Variants in BTBD16 observed in about 807,000 individuals in gnomAD.
BTBD16 encodes the protein BTB/POZ domain-containing protein 16.
Under a neutral mutation model 67.4 loss-of-function variants are expected in BTBD16, and 66 were observed. That is an observed-to-expected ratio of 0.98 (90% CI 0.80 to 1.20). The LOEUF is 1.20. Ranked by LOEUF, BTBD16 falls within the 50% of genes most tolerant of loss-of-function variation. The probability of loss-of-function intolerance (pLI) is 0.00; values close to 1 mark genes in which losing one functional copy is unlikely to be tolerated. For missense variants in BTBD16, 634 were observed against 616.0 expected (o/e 1.03, Z -0.31); for synonymous variants, 242 against 236.4 (o/e 1.02, Z -0.22).
intron 3 of BTBD16, among the ~76,000 whole-genome samples, chr10:122,277,223 G>A (rs1399435250): frequency 6.7e-6 from 1 of 149,998 alleles, no homozygotes; most frequent in Non-Finnish European, 1.5e-5. Context: ...AGGATTCTGA[G>A]TTTATTATCC....
chr10:122,319,961 C>T (rs1457884669), intron 10 of BTBD16, among the ~76,000 whole-genome samples: 1 of 152,088 alleles, frequency 6.6e-6, no homozygotes, highest in East Asian at 1.9e-4. Context: ...CATATTAACA[C>T]TATTGTAAGA....
intron 14 of BTBD16, 39 bp downstream of exon 14, chr10:122,335,018 G>A (rs758095004): frequency 1.1e-6 from 1 of 949,586 alleles, no homozygotes; most frequent in Non-Finnish European, 1.6e-6. Context: ...CTCTGAGACA[G>A]TCTTTTAGAG....
rs1162493326 is a variant in BTBD16 at position 122,336,684 on chromosome 10, C to T, written c.1452+2C>T. ...ACCACGTCATCCTGCAAAAGCCATG[C>T]AAGTGTTCACGTTGTCTTTTCCTTT... On this transcript the variant is annotated splice_donor_variant, in intron 15 of 15. Transcript: ENST00000260723. LOFTEE classifies it low-confidence loss of function (GC_TO_GT_DONOR). The T allele has an allele frequency of 6.3e-7, 1 of 1,574,808 alleles. No individual in the cohort carries two copies.
At chr10:122,312,625 T>A (rs1014134602) in intron 10 of BTBD16, among the ~76,000 whole-genome samples, 4 of 152,084 alleles carry the variant, frequency 2.6e-5, no homozygotes, top group Non-Finnish European at 4.4e-5. Context: ...GTCTTTCACT[T>A]TTCTAATGGA....
rs1401787510 is a variant in BTBD16, at chr10:122,334,943, C to G, written c.1227C>G (p.Leu409=). Residue 409 remains leucine, a synonymous_variant, in exon 14 of 16, where the codon CTC becomes CTG. Transcript: ENST00000260723. ...GATTCTTCTTTAAGATAAAGGGACTCAAACATGATACTACCTCTTATAGTT... is the reference window on the plus strand; with the variant it reads ...GATTCTTCTTTAAGATAAAGGGACTGAAACATGATACTACCTCTTATAGTT... ...LYGFFFKIKG[L]KHDTTSYSFY... 6.4e-7 allele frequency: 1 copy of G among 1,567,176 alleles called. No individual in the cohort carries two copies. The highest frequency in any genetic ancestry group is 1.1e-5 in the South Asian group (1 of 89,532).
chr10:122,303,565 C>T (rs1429781289), intron 9 of BTBD16: 4 of 239,376 alleles, frequency 1.7e-5, no homozygotes, highest in Admixed American at 6.5e-5. Context: ...CAGTGGGCAT[C>T]CTTGTTCATA....
intron 10 of BTBD16, among the ~76,000 whole-genome samples, chr10:122,307,762 A>C (rs1372427319): frequency 6.6e-6 from 1 of 152,194 alleles, no homozygotes; most frequent in East Asian, 1.9e-4. Context: ...AAGCATGACG[A>C]GGCGAGTTTA....
At chr10:122,300,041 ACAGAAATT>A (rs1027639340) in intron 9 of BTBD16, among the ~76,000 whole-genome samples, 1 of 152,146 alleles carries the variant, frequency 6.6e-6, no homozygotes, top group Admixed American at 6.5e-5. Context: ...CTTCTCCCTT[ACAGAAATT>A]CATGGAGATG....
chr10:122,315,709 T>G (rs544884746), intron 10 of BTBD16, among the ~76,000 whole-genome samples: 402 of 152,318 alleles, frequency 2.6e-3, no homozygotes, highest in Non-Finnish European at 4.5e-3. Context: ...TTTATGGGTC[T>G]TTTTGTGTCA....
At chr10:122,284,735 A>G (rs573640436) in intron 4 of BTBD16, among the ~76,000 whole-genome samples, 2 of 147,778 alleles carry the variant, frequency 1.4e-5, no homozygotes, top group East Asian at 4.0e-4. Flanking sequence ...GCCTGAGATC[A>G]GAGCCAGACT....
In BTBD16 at chr10:122,276,786, A is replaced by C; in HGVS notation, c.19-5A>C. The C allele has an allele frequency of 6.2e-7, 1 of 1,612,252 alleles. No individual in the cohort carries two copies. Among genetic ancestry groups the C allele is most frequent in the Non-Finnish European group, 8.5e-7 (1 of 1,178,964 alleles). ...ATGTCTTCTCTTTCTTTGATTACCA[A>C]GCAGCACAAAGCTCGGCTGGAACGC... On this transcript the variant is annotated splice_polypyrimidine_tract_variant and splice_region_variant and intron_variant, in intron 2 of 15. Transcript: ENST00000260723.
chr10:122,320,521 C>T (rs10749460), intron 10 of BTBD16, among the ~76,000 whole-genome samples: 93,963 of 151,842 alleles, frequency 0.62, 30,484 homozygotes, highest in East Asian at 0.87. Flanking sequence ...TATAAATTTC[C>T]CTCTAATTAT....
chr10:122,311,493 A>G (rs2096413619), intron 10 of BTBD16, among the ~76,000 whole-genome samples: 1 of 152,240 alleles, frequency 6.6e-6, no homozygotes, highest in South Asian at 2.1e-4. Context: ...TTGTAGGAAA[A>G]ACAAAAAATG....
Position 122,281,905 on chromosome 10 carries a change from C to T in BTBD16, c.168-1946C>T, listed in dbSNP as rs2096353974. Reference sequence around the variant, plus strand: ...CTTGGGGGCGTGAGCTCCAGCCTAACAGCACGTTCCCAGCATCCCCGCACC... The same window carrying T: ...CTTGGGGGCGTGAGCTCCAGCCTAATAGCACGTTCCCAGCATCCCCGCACC... On this transcript the variant is annotated intron_variant, in intron 3 of 15. Coordinates refer to ENST00000260723, the MANE Select transcript of BTBD16 (RefSeq NM_144587.5). 2.6e-5 allele frequency among the ~76,000 whole-genome samples: 4 copies of T among 152,318 alleles called. No individual in the cohort carries two copies. The South Asian group carries it at 8.3e-4, about 32-fold the overall frequency.
chr10:122,335,118 A>C (rs1476464488), intron 14 of BTBD16, 139 bp downstream of exon 14: 1 of 523,370 alleles, frequency 1.9e-6, no homozygotes, highest in Non-Finnish European at 3.3e-6. Context: ...AACCACGCTC[A>C]TGTATGTGAT....
In BTBD16 at chr10:122,338,106, G is replaced by A; in HGVS notation, c.*21G>A. ...CTTGACAGTTTCCAGAAGAATCTAT[G>A]GGATTTTCCCCCCACTGGTCTGCAT... On this transcript the variant is annotated 3_prime_UTR_variant, in exon 16 of 16. Transcript: ENST00000260723. The A allele has an allele frequency of 6.4e-7, 1 of 1,554,428 alleles. No homozygotes were observed.
chr10:122,325,222 G>C (rs1379784148), intron 10 of BTBD16, among the ~76,000 whole-genome samples: 1 of 152,224 alleles, frequency 6.6e-6, no homozygotes, highest in Non-Finnish European at 1.5e-5. Flanking sequence ...GCAGGGACCA[G>C]GTCATTCATC....
intron 7 of BTBD16, among the ~76,000 whole-genome samples, chr10:122,292,438 C>T (rs769925796): frequency 6.6e-6 from 1 of 152,226 alleles, no homozygotes; most frequent in South Asian, 2.1e-4. Context: ...GCCAAGGCCA[C>T]GCAGCTGCCA....
chr10:122,287,077 C>T (rs2096365295), intron 5 of BTBD16, among the ~76,000 whole-genome samples: 1 of 152,208 alleles, frequency 6.6e-6, no homozygotes, highest in East Asian at 1.9e-4. Flanking sequence ...TGAGCCTGAG[C>T]CTGGAGGGAG....
Sources: gnomAD v4.1 joint callset for allele counts (sites outside exome capture counted in the v4.1 genomes callset) on GRCh38, gnomAD v4.1.1 for gene constraint, MANE v1.5 for transcripts, NCBI Gene and HGNC (gene_info 2026-07-23, HGNC 2026-07-21) for gene names.